Variants in KCNC4 observed in about 807,000 individuals in gnomAD.
KCNC4 encodes potassium voltage-gated channel subfamily C member 4.
Under a neutral mutation model 42.8 loss-of-function variants are expected in KCNC4, and 23 were observed. The observed-to-expected ratio is 0.54, with a 90% CI of 0.39 to 0.76. The LOEUF (loss-of-function observed/expected upper bound fraction) is 0.76, where lower values mean the gene tolerates loss of function less well. KCNC4 is among the 30% of genes least tolerant of loss of function. The pLI, the probability that KCNC4 is intolerant of heterozygous loss-of-function variation, is 0.00. For missense variants in KCNC4, 751 were observed against 898.2 expected, an observed-to-expected ratio of 0.84 and a Z score of 2.10; for synonymous variants, 422 against 393.5, an observed-to-expected ratio of 1.07 and a Z score of -0.86.
intron 1 of KCNC4, among the ~76,000 whole-genome samples, chr1:110,219,199 A>G (rs1397990061): frequency 6.6e-6 from 1 of 152,220 alleles, no homozygotes; most frequent in African/African-American, 2.4e-5. Context: ...ACTTCTAAAA[A>G]GCAAAGATTC....
chr1:110,231,526 T>C (rs1177211223), intron 3 of KCNC4, among the ~76,000 whole-genome samples: 1 of 118,820 alleles, frequency 8.4e-6, no homozygotes, highest in African/African-American at 3.3e-5. Context: ...TTCTGTCTCA[T>C]CCTAGACCCA....
At chr1:110,263,874 A>C (rs536342853) in intron 1 of KCNC4, among the ~76,000 whole-genome samples, 106 of 152,038 alleles carry the variant, frequency 7.0e-4, no homozygotes, top group Admixed American at 1.1e-3. Flanking sequence ...CTTCTCAAGC[A>C]TCTCTACCTC....
intron 1 of KCNC4, among the ~76,000 whole-genome samples, chr1:110,276,915 G>A (rs1659737045): frequency 6.6e-6 from 1 of 152,174 alleles, no homozygotes; most frequent in Admixed American, 6.5e-5. Context: ...GTTGCCCCCA[G>A]AAGTTCTCAA....
At chr1:110,218,710 G>C (rs1333109916) in intron 1 of KCNC4, among the ~76,000 whole-genome samples, 4 of 152,160 alleles carry the variant, frequency 2.6e-5, no homozygotes, top group Admixed American at 6.5e-5. Context: ...AACTCATGCA[G>C]GTCTCATATG....
intron 1 of KCNC4, among the ~76,000 whole-genome samples, chr1:110,268,733 T>A (rs375920870): frequency 8.4e-4 from 123 of 145,920 alleles, no homozygotes; most frequent in Non-Finnish European, 1.6e-3. Flanking sequence ...AGATTTTATT[T>A]TTTTTTTTTT....
At chr1:110,265,378 AAAATAAAAT>A (rs2101079943) in intron 1 of KCNC4, among the ~76,000 whole-genome samples, 1 of 105,856 alleles carries the variant, frequency 9.4e-6, no homozygotes, top group Non-Finnish European at 1.7e-5. Flanking sequence ...AAAATAAAAT[AAAATAAAAT>A]AAAATAAAAT....
chr1:110,236,543 C>T (rs1172758659), downstream of KCNC4: 5 of 152,264 alleles, frequency 3.3e-5, no homozygotes, highest in Admixed American at 2.6e-4. Flanking sequence ...ATTAAACTCA[C>T]TCTCCCTTTT....
At chr1:110,265,712 G>C (rs1659531254) in intron 1 of KCNC4, among the ~76,000 whole-genome samples, 1 of 152,216 alleles carries the variant, frequency 6.6e-6, no homozygotes, top group Non-Finnish European at 1.5e-5. Flanking sequence ...CTCAGAGCCA[G>C]GGAAGAGGCC....
At chr1:110,237,132 A>AC (rs1429482854), downstream of KCNC4, 1 of 151,220 alleles carries the variant, frequency 6.6e-6, no homozygotes. Flanking sequence ...ACATAGTGAG[A>AC]CCCCATCTCT....
chr1:110,256,288 TA>T, intron 1 of KCNC4, among the ~76,000 whole-genome samples: 1 of 152,094 alleles, frequency 6.6e-6, no homozygotes, highest in Non-Finnish European at 1.5e-5. Context: ...ACAAAGCTAT[TA>T]AGGGTGGAAC....
At chr1:110,230,294 T>A (rs1048006124) in intron 3 of KCNC4, among the ~76,000 whole-genome samples, 1 of 152,162 alleles carries the variant, frequency 6.6e-6, no homozygotes, top group Non-Finnish European at 1.5e-5. Flanking sequence ...GCAACTGCCC[T>A]TCAGGAGGGA....
At chr1:110,241,363 C>T (rs1178546135) in exon 4 of KCNC4, 1 of 152,082 alleles carries the variant, frequency 6.6e-6, no homozygotes, top group African/African-American at 2.4e-5. Flanking sequence ...ATTTAGGGTC[C>T]ATGTATATTT....
chr1:110,247,999 C>T (rs1557869960), exon 4 of KCNC4: 1 of 152,240 alleles, frequency 6.6e-6, no homozygotes, highest in Non-Finnish European at 1.5e-5. Context: ...ATTAGACCCA[C>T]CTTTCCTGTA....
chr1:110,259,185 T>G (rs980687561), intron 1 of KCNC4, among the ~76,000 whole-genome samples: 2 of 152,104 alleles, frequency 1.3e-5, no homozygotes, highest in African/African-American at 4.8e-5. Context: ...ACCCCTACTG[T>G]CCCCAAGGAA....
At chr1:110,218,588 C>CT (rs1657930548) in intron 1 of KCNC4, among the ~76,000 whole-genome samples, 1 of 84,036 alleles carries the variant, frequency 1.2e-5, no homozygotes, top group African/African-American at 6.9e-5. Context: ...AATGTAAGGT[C>CT]CCGGGGCAAG....
chr1:110,271,878 A>C (rs1045185788), intron 1 of KCNC4, among the ~76,000 whole-genome samples: 1 of 152,064 alleles, frequency 6.6e-6, no homozygotes, highest in South Asian at 2.1e-4. Context: ...GAGGAGGAGG[A>C]GGCTCCGTTC....
chr1:110,232,413 T>TG (rs1046327799), intron 3 of KCNC4: 3 of 1,513,460 alleles, frequency 2.0e-6, no homozygotes, highest in Middle Eastern at 1.7e-4. Flanking sequence ...TGGAGCTACT[T>TG]GGGGGAGAGC....
intron 1 of KCNC4, chr1:110,219,951 G>A (rs1657999377): frequency 6.6e-6 from 1 of 152,272 alleles, no homozygotes; most frequent in Non-Finnish European, 1.5e-5. Context: ...TCTCCTTGGG[G>A]AGTGAGGGCT....
exon 4 of KCNC4, chr1:110,244,391 AT>A (rs1659098622): frequency 6.6e-6 from 1 of 151,444 alleles, no homozygotes; most frequent in African/African-American, 2.4e-5. Context: ...ATAATAATAA[AT>A]AACAAAACCC....
Sources: allele counts gnomAD v4.1 joint callset (sites outside exome capture counted in the v4.1 genomes callset), GRCh38; gene constraint gnomAD v4.1.1; transcripts MANE v1.5; gene names NCBI Gene and HGNC (gene_info 2026-07-23, HGNC 2026-07-21).